Variants in SLC38A4 observed in about 807,000 individuals in gnomAD.
SLC38A4 encodes the protein sodium-coupled neutral amino acid transporter 4.
A neutral mutation model predicts 63.1 loss-of-function variants in SLC38A4; 20 were observed. The ratio of observed to expected loss-of-function variants is 0.32; its 90% CI spans 0.22 to 0.46. The LOEUF (loss-of-function observed/expected upper bound fraction) is 0.46. SLC38A4 is among the 20% of genes least tolerant of loss of function. The pLI, the probability that SLC38A4 is intolerant of heterozygous loss-of-function variation, is 1.00. For missense variants in SLC38A4, 526 were observed against 663.6 expected (o/e 0.79, Z 2.28); for synonymous variants, 230 against 225.5 (o/e 1.02, Z -0.18).
At chr12:46,809,951 A>G (rs1939307069) in intron 1 of SLC38A4, among the ~76,000 whole-genome samples, 1 of 152,136 alleles carries the variant, frequency 6.6e-6, no homozygotes, top group South Asian at 2.1e-4. Context: ...ATGAATGAAA[A>G]TCTTTATTTA....
chr12:46,769,172 C>T, intron 15 of SLC38A4, 112 bp downstream of exon 15: 2 of 1,197,988 alleles, frequency 1.7e-6, no homozygotes, highest in Non-Finnish European at 2.4e-6. Flanking sequence ...TAAAGGGAAT[C>T]CATGAGCCTG....
At chr12:46,770,346 T>G (rs944108516) in intron 14 of SLC38A4, among the ~76,000 whole-genome samples, 4 of 151,918 alleles carry the variant, frequency 2.6e-5, no homozygotes, top group South Asian at 2.1e-4. Context: ...TGTTTGCTCC[T>G]TCCTCTTTCT....
intron 1 of SLC38A4, among the ~76,000 whole-genome samples, chr12:46,820,935 G>C (rs1167837966): frequency 6.6e-6 from 1 of 151,988 alleles, no homozygotes; most frequent in East Asian, 1.9e-4. Flanking sequence ...TACTGATGTT[G>C]AGCATCTTTT....
At chr12:46,822,462 AAAG>A (rs1939569752) in intron 1 of SLC38A4, among the ~76,000 whole-genome samples, 1 of 152,154 alleles carries the variant, frequency 6.6e-6, no homozygotes. Context: ...CAACTTACTC[AAAG>A]ACCAAAGCTA....
intron 7 of SLC38A4, among the ~76,000 whole-genome samples, chr12:46,781,609 G>A (rs1266041374): frequency 1.3e-5 from 2 of 152,026 alleles, no homozygotes; most frequent in African/African-American, 4.8e-5. Flanking sequence ...AGAAATACAA[G>A]TGATTTCTCT....
intron 2 of SLC38A4, among the ~76,000 whole-genome samples, chr12:46,802,751 A>T (rs1939156669): frequency 6.6e-6 from 1 of 152,040 alleles, no homozygotes; most frequent in African/African-American, 2.4e-5. Flanking sequence ...TATATCATCA[A>T]TTCAAATATT....
At chr12:46,781,720 C>G (rs1158281373) in intron 7 of SLC38A4, among the ~76,000 whole-genome samples, 1 of 152,014 alleles carries the variant, frequency 6.6e-6, no homozygotes, top group Non-Finnish European at 1.5e-5. Context: ...AGTCACGCCT[C>G]TTACCTGTGT....
chr12:46,830,459 T>C (rs1592202472), upstream of SLC38A4, among the ~76,000 whole-genome samples: 2 of 152,166 alleles, frequency 1.3e-5, no homozygotes, highest in African/African-American at 4.8e-5. Context: ...GCCCTGGAAA[T>C]TGAGATCTAT....
intron 1 of SLC38A4, among the ~76,000 whole-genome samples, chr12:46,810,963 G>C (rs1939328906): frequency 6.6e-6 from 1 of 151,798 alleles, no homozygotes; most frequent in Non-Finnish European, 1.5e-5. Flanking sequence ...TGTTCTGAAA[G>C]AATAGGAAAA....
At chr12:46,816,001 C>G (rs1427765832) in intron 1 of SLC38A4, among the ~76,000 whole-genome samples, 1 of 151,860 alleles carries the variant, frequency 6.6e-6, no homozygotes, top group Non-Finnish European at 1.5e-5. Context: ...CTTAATTCCT[C>G]CAGCACTGCT....
intron 1 of SLC38A4, among the ~76,000 whole-genome samples, chr12:46,831,539 C>G (rs1237664907): frequency 6.6e-6 from 1 of 152,250 alleles, no homozygotes; most frequent in African/African-American, 2.4e-5. Context: ...CGGTAAGCCG[C>G]CCTCGGAACC....
intron 1 of SLC38A4, among the ~76,000 whole-genome samples, chr12:46,806,116 C>T (rs1157049786): frequency 6.6e-6 from 1 of 151,644 alleles, no homozygotes; most frequent in Non-Finnish European, 1.5e-5. Flanking sequence ...AAAGGAAAGA[C>T]ATCCTAGATG....
At chr12:46,783,051 T>TGTGTGTGTGTGTGTGTGC (rs1555170940) in intron 7 of SLC38A4, among the ~76,000 whole-genome samples, 17 of 140,978 alleles carry the variant, frequency 1.2e-4, no homozygotes, top group Non-Finnish European at 2.3e-4. Flanking sequence ...TGTGTGTGTG[T>TGTGTGTGTGTGTGTGTGC]GTGTGTGTTA....
intron 1 of SLC38A4, among the ~76,000 whole-genome samples, chr12:46,818,971 A>G (rs755980256): frequency 1.3e-5 from 2 of 151,814 alleles, no homozygotes; most frequent in African/African-American, 2.4e-5. Flanking sequence ...ATTAGGCAAC[A>G]TATAGCCTGG....
chr12:46,768,318 T>C lies in SLC38A4; in HGVS notation c.1534A>G (p.Lys512Glu), dbSNP rs753375065. 4.3e-6 allele frequency: 7 copies of C among 1,609,198 alleles called. No homozygotes were observed. Among genetic ancestry groups the C allele is most frequent in the Non-Finnish European group, 5.9e-6 (7 of 1,176,812 alleles). ...TTGCAAGGTTTACTTACCCCGACCT[T>C]TTGGGGTGACCTAAAAGTTTCTTTC... ...VKKETFRSPQKVGALIFLVVG... is the reference protein window; with the variant it reads ...VKKETFRSPQEVGALIFLVVG... The change falls in exon 16 of 17, where the codon AAG becomes GAG. Residue 512 changes from lysine (K) to glutamate (E), a missense_variant. Coordinates refer to ENST00000266579, the MANE Select transcript of SLC38A4 (RefSeq NM_018018.5).
intron 2 of SLC38A4, among the ~76,000 whole-genome samples, chr12:46,798,327 C>T (rs767747181): frequency 6.6e-6 from 1 of 152,198 alleles, no homozygotes; most frequent in Non-Finnish European, 1.5e-5. Context: ...ACACTCTCCT[C>T]ACCTTAGTGT....
At chr12:46,769,507 T>G (rs1381211711) in intron 14 of SLC38A4, 79 bp from the exon 15 acceptor site, 2 of 1,445,764 alleles carry the variant, frequency 1.4e-6, no homozygotes, top group Non-Finnish European at 1.9e-6. Flanking sequence ...CTCATCACTC[T>G]AATGCATTTT....
chr12:46,807,684 CCT>C (rs1215020104), intron 1 of SLC38A4, among the ~76,000 whole-genome samples: 2 of 151,862 alleles, frequency 1.3e-5, no homozygotes, highest in African/African-American at 4.8e-5. Context: ...CAGAAATCTT[CCT>C]AAATTATTCA....
upstream of SLC38A4, among the ~76,000 whole-genome samples, chr12:46,826,493 C>A (rs1255073047): frequency 6.6e-6 from 1 of 152,090 alleles, no homozygotes; most frequent in Non-Finnish European, 1.5e-5. Context: ...AATTCTATAC[C>A]ATAGCTGTTG....
Sources: allele counts gnomAD v4.1 joint callset (sites outside exome capture counted in the v4.1 genomes callset), GRCh38; gene constraint gnomAD v4.1.1; transcripts MANE v1.5; gene names NCBI Gene and HGNC (gene_info 2026-07-23, HGNC 2026-07-21).